MORF4L1: variants seen among roughly 807,000 people sequenced by gnomAD.
MORF4L1 encodes the protein mortality factor 4 like 1.
Under a neutral mutation model 52.9 loss-of-function variants are expected in MORF4L1, and 4 were observed. The observed-to-expected ratio is 0.08, with a 90% CI of 0.04 to 0.17. The LOEUF (loss-of-function observed/expected upper bound fraction) is 0.17, where lower values mean the gene tolerates loss of function less well. Among genes scored for constraint, MORF4L1 ranks in the 10% least tolerant of loss-of-function variants. The probability of loss-of-function intolerance (pLI) is 1.00; values close to 1 mark genes in which losing one functional copy is unlikely to be tolerated. For synonymous variants in MORF4L1, 123 were observed against 134.8 expected (o/e 0.91, Z 0.61); for missense variants, 214 against 390.4 (o/e 0.55, Z 3.81).
rs372620578 is a variant in MORF4L1, at chr15:78,873,072, T to C, written c.40+15T>C. 36 of 1,550,102 alleles carry C rather than the reference T, an allele frequency of 2.3e-5. No individual in the cohort carries two copies. Among genetic ancestry groups the C allele is most frequent in the Non-Finnish European group, 3.1e-5 (36 of 1,146,430 alleles). On this transcript the variant is annotated intron_variant, in intron 1 of 11. Transcript: ENST00000426013. Reference sequence around the variant, plus strand: ...ATTCCAGGAGGGTGAGTGTGCGCCTTTGGGAAAAAGGCACCTAACGGCGCA... The same window carrying C: ...ATTCCAGGAGGGTGAGTGTGCGCCTCTGGGAAAAAGGCACCTAACGGCGCA...
Position 78,883,850 on chromosome 15 carries a change from A to G in MORF4L1, c.156-2291A>G, listed in dbSNP as rs931615565. On this transcript the variant is annotated intron_variant, in intron 3 of 11. Coordinates refer to ENST00000426013, the MANE Select transcript of MORF4L1 (RefSeq NM_006791.4). Reference sequence around the variant, plus strand: ...ACCTAGTGTGTTGTGTATTTAGTCTATGTAAGTACTGCCCATGGATCATTG... The same window carrying G: ...ACCTAGTGTGTTGTGTATTTAGTCTGTGTAAGTACTGCCCATGGATCATTG... Among the ~76,000 whole-genome samples, 8 of 152,326 alleles carry G rather than the reference A, an allele frequency of 5.3e-5. No homozygotes were observed. The South Asian group carries it at 1.2e-3, about 24-fold the overall frequency.
In MORF4L1 at chr15:78,872,945, T is replaced by C. The variant is rs1243181175; in HGVS notation, c.-73T>C. ...GCCTGACGGCGCGTCTGACGCGGAG[T>C]TGGGTGGGGTAGAGAGTAGGGGGCG... On this transcript the variant is annotated 5_prime_UTR_variant, in exon 1 of 12. Transcript: ENST00000426013. 75 of 1,499,484 alleles carry C rather than the reference T, an allele frequency of 5.0e-5. No individual in the cohort carries two copies. The South Asian group carries it at 6.0e-4, about 12-fold the overall frequency. 92.9% of individuals were successfully genotyped at this position (1,499,484 alleles called of 1,614,324 possible).
In MORF4L1 at chr15:78,894,824, A is replaced by G. The variant is rs140693943; in HGVS notation, c.807A>G (p.Arg269=). ...GAPHLLRLFV[R]IGAMLAYTPL... Reference sequence around the variant, plus strand: ...TAAATTCTCTTGTTTAAACAGTACGAATTGGAGCAATGTTGGCTTATACAC... The same window carrying G: ...TAAATTCTCTTGTTTAAACAGTACGGATTGGAGCAATGTTGGCTTATACAC... Residue 269 remains arginine, a synonymous_variant, in exon 11 of 12, where the codon CGA becomes CGG. Coordinates refer to ENST00000426013, the MANE Select transcript of MORF4L1 (RefSeq NM_006791.4). The G allele has an allele frequency of 1.4e-5, 22 of 1,612,280 alleles. No individual in the cohort carries two copies. In the African/African-American group the frequency reaches 2.7e-4, roughly 20 times the overall value.
chr15:78,878,575 T>C (rs1054495863), intron 2 of MORF4L1, among the ~76,000 whole-genome samples: 1 of 150,222 alleles, frequency 6.7e-6, no homozygotes. Context: ...AAAACATTGC[T>C]GAAGTTACTT....
chr15:78,884,740 A>T (rs984058831), intron 3 of MORF4L1, among the ~76,000 whole-genome samples: 28 of 152,034 alleles, frequency 1.8e-4, no homozygotes, highest in African/African-American at 6.8e-4. Context: ...GGTACTTTTT[A>T]AAATTCGTAC....
At chr15:78,885,415 A>AT (rs1248623992) in intron 3 of MORF4L1, among the ~76,000 whole-genome samples, 2 of 152,238 alleles carry the variant, frequency 1.3e-5, no homozygotes, top group Non-Finnish European at 2.9e-5. Flanking sequence ...ATGTCTTAAC[A>AT]TTTTTGAGAG....
intron 11 of MORF4L1, among the ~76,000 whole-genome samples, chr15:78,895,778 A>G (rs922947714): frequency 6.6e-6 from 1 of 152,112 alleles, no homozygotes; most frequent in Admixed American, 6.5e-5. Context: ...TTCAGTTTCT[A>G]CTTTGTATAC....
rs146848001 is a variant in MORF4L1, at chr15:78,894,067, G to C, written c.639G>C (p.Ala213=). ...TTTGTTCATTTATCAGGGAGTATGCGGTTAATGAAGTTGTGGCAGGGATAA... is the reference window on the plus strand; with the variant it reads ...TTTGTTCATTTATCAGGGAGTATGCCGTTAATGAAGTTGTGGCAGGGATAA... ...SRGNTDNKEY[A]VNEVVAGIKE... Residue 213 remains alanine, a synonymous_variant, in exon 10 of 12, where the codon GCG becomes GCC. Coordinates refer to ENST00000426013, the MANE Select transcript of MORF4L1 (RefSeq NM_006791.4). The C allele has an allele frequency of 2.3e-4, 365 of 1,612,182 alleles. No homozygotes were observed. The African/African-American group carries it at 4.5e-3, about 20-fold the overall frequency.
intron 11 of MORF4L1, among the ~76,000 whole-genome samples, chr15:78,895,723 C>A (rs556601123): frequency 6.6e-6 from 1 of 152,188 alleles, no homozygotes; most frequent in African/African-American, 2.4e-5. Flanking sequence ...TTAGTTAATA[C>A]TGGGTTATTT....
chr15:78,887,714 A>G (rs545585851), intron 5 of MORF4L1, among the ~76,000 whole-genome samples: 97 of 152,320 alleles, frequency 6.4e-4, no homozygotes, highest in African/African-American at 2.1e-3. Context: ...GGTGAAACTC[A>G]TGGTAAGAAT....
chr15:78,879,304 G>T (rs1486953134), intron 2 of MORF4L1, among the ~76,000 whole-genome samples: 1 of 151,602 alleles, frequency 6.6e-6, no homozygotes, highest in Non-Finnish European at 1.5e-5. Context: ...TCACTGTGAC[G>T]TCCCCCTCCC....
intron 3 of MORF4L1, among the ~76,000 whole-genome samples, chr15:78,884,073 T>TCA (rs2141468946): frequency 6.6e-6 from 1 of 151,316 alleles, no homozygotes; most frequent in Non-Finnish European, 1.5e-5. Context: ...GTGTGGTGGT[T>TCA]CATGCCTGTA....
chr15:78,875,784 TC>T (rs767641319), intron 1 of MORF4L1, among the ~76,000 whole-genome samples: 18 of 6,942 alleles, frequency 2.6e-3, no homozygotes, highest in African/African-American at 3.8e-3. Flanking sequence ...AGACTCCATT[TC>T]AAAAAAAAAA....
intron 4 of MORF4L1, 56 bp downstream of exon 4, chr15:78,886,283 G>T: frequency 7.1e-7 from 1 of 1,411,480 alleles, no homozygotes; most frequent in Non-Finnish European, 1.0e-6. Flanking sequence ...ATTAATTCTG[G>T]ACATGGAATG....
At chr15:78,895,644 G>A (rs938714029) in intron 11 of MORF4L1, among the ~76,000 whole-genome samples, 2 of 152,190 alleles carry the variant, frequency 1.3e-5, no homozygotes, top group African/African-American at 4.8e-5. Context: ...GAGGAGTATG[G>A]TGTAATTGTT....
chr15:78,888,591 C>G (rs540666678), intron 5 of MORF4L1, among the ~76,000 whole-genome samples: 50 of 152,082 alleles, frequency 3.3e-4, no homozygotes, highest in African/African-American at 1.2e-3. Context: ...AATTACTGAT[C>G]TGATTTTTCT....
At chr15:78,877,085 TG>T (rs1390933994) in intron 1 of MORF4L1, among the ~76,000 whole-genome samples, 2 of 146,062 alleles carry the variant, frequency 1.4e-5, no homozygotes, top group Non-Finnish European at 3.0e-5. Context: ...TAGCTGGGAC[TG>T]AAGGTGCACA....
chr15:78,874,277 A>C (rs59312571), intron 1 of MORF4L1, among the ~76,000 whole-genome samples: 19,731 of 152,264 alleles, frequency 0.13, 1,346 homozygotes, highest in East Asian at 0.26. Context: ...GACTTGCATT[A>C]GAATTCCTTT....
intron 10 of MORF4L1, 157 bp downstream of exon 10, chr15:78,894,387 G>T: frequency 1.9e-6 from 1 of 536,670 alleles, no homozygotes. Flanking sequence ...AGGAGCAAGA[G>T]TTTTAAAAAT....
Sources: gnomAD v4.1 joint callset for allele counts (sites outside exome capture counted in the v4.1 genomes callset) on GRCh38, gnomAD v4.1.1 for gene constraint, MANE v1.5 for transcripts, NCBI Gene and HGNC (gene_info 2026-07-23, HGNC 2026-07-21) for gene names.